SGIP1: variants seen among roughly 807,000 people sequenced by gnomAD.
SGIP1 encodes the protein SH3-containing GRB2-like protein 3-interacting protein 1.
A neutral mutation model predicts 107.5 loss-of-function variants in SGIP1; 38 were observed. The observed-to-expected ratio is 0.35, with a 90% confidence interval of 0.27 to 0.46. The LOEUF is 0.46. Ranked by LOEUF, SGIP1 falls within the 20% of genes least tolerant of loss-of-function variation. The probability of loss-of-function intolerance (pLI) is 1.00; values close to 1 mark genes in which losing one functional copy is unlikely to be tolerated. For missense variants in SGIP1, 929 were observed against 1,019.5 expected (o/e 0.91, Z 1.21); for synonymous variants, 365 against 366.1 (o/e 1.00, Z 0.03).
chr1:66,537,139 T>C (rs989174433), intron 1 of SGIP1, among the ~76,000 whole-genome samples: 3 of 152,146 alleles, frequency 2.0e-5, no homozygotes, highest in Admixed American at 2.0e-4. Context: ...AGGTGATTAG[T>C]GGTTTGTGGC....
chr1:66,621,449 C>T (rs1225991853), intron 1 of SGIP1, among the ~76,000 whole-genome samples: 2 of 152,140 alleles, frequency 1.3e-5, no homozygotes, highest in African/African-American at 2.4e-5. Flanking sequence ...GTAAAATACA[C>T]ACAAAATAAA....
chr1:66,545,959 T>C (rs371813284), intron 1 of SGIP1, among the ~76,000 whole-genome samples: 102 of 152,318 alleles, frequency 6.7e-4, no homozygotes, highest in African/African-American at 2.4e-3. Context: ...ATTCCCAATG[T>C]GTGCATGTGT....
chr1:66,682,911 A>C (rs1174192692), intron 15 of SGIP1, among the ~76,000 whole-genome samples: 1 of 151,938 alleles, frequency 6.6e-6, no homozygotes, highest in Non-Finnish European at 1.5e-5. Context: ...AGGTTTGAAA[A>C]GGAGATTTTA....
At chr1:66,554,465 T>C (rs905363011) in intron 1 of SGIP1, among the ~76,000 whole-genome samples, 3 of 152,064 alleles carry the variant, frequency 2.0e-5, no homozygotes, top group African/African-American at 7.2e-5. Context: ...TCCTAGAAAA[T>C]CTGAAATCCA....
intron 18 of SGIP1, among the ~76,000 whole-genome samples, chr1:66,715,307 G>A (rs2093172222): frequency 6.6e-6 from 1 of 152,102 alleles, no homozygotes; most frequent in Non-Finnish European, 1.5e-5. Context: ...CAATGTATAG[G>A]GATGTGAAGA....
intron 1 of SGIP1, among the ~76,000 whole-genome samples, chr1:66,577,246 C>A (rs2148683732): frequency 6.6e-6 from 1 of 152,194 alleles, no homozygotes; most frequent in East Asian, 1.9e-4. Context: ...TGTTCTGGAC[C>A]TCCTTTCCCA....
At chr1:66,730,603 G>A (rs9988483) in intron 20 of SGIP1, among the ~76,000 whole-genome samples, 27,612 of 152,024 alleles carry the variant, frequency 0.18, 2,995 homozygotes, top group Non-Finnish European at 0.24. Flanking sequence ...TCAACAGCCA[G>A]GTGGTCTTTT....
intron 1 of SGIP1, among the ~76,000 whole-genome samples, chr1:66,580,670 T>C (rs2061688970): frequency 6.6e-6 from 1 of 152,184 alleles, no homozygotes; most frequent in Admixed American, 6.6e-5. Context: ...TAGATATTTC[T>C]TTATATATTT....
intron 1 of SGIP1, among the ~76,000 whole-genome samples, chr1:66,568,621 A>T (rs1191017619): frequency 6.6e-6 from 1 of 151,944 alleles, no homozygotes; most frequent in Non-Finnish European, 1.5e-5. Context: ...GTATGATATC[A>T]GCTATTGGTT....
chr1:66,708,069 G>A (rs1225149624), intron 18 of SGIP1, among the ~76,000 whole-genome samples: 1 of 152,052 alleles, frequency 6.6e-6, no homozygotes, highest in Non-Finnish European at 1.5e-5. Context: ...TAGGATGTAG[G>A]GGCAAACATC....
At chr1:66,593,714 G>T (rs1281559306) in intron 1 of SGIP1, among the ~76,000 whole-genome samples, 1 of 152,270 alleles carries the variant, frequency 6.6e-6, no homozygotes, top group African/African-American at 2.4e-5. Flanking sequence ...GGAGGCTTCA[G>T]TGAGCCATGA....
At chr1:66,549,239 T>C (rs1046484132) in intron 1 of SGIP1, among the ~76,000 whole-genome samples, 1 of 152,046 alleles carries the variant, frequency 6.6e-6, no homozygotes, top group Admixed American at 6.6e-5. Context: ...TTCTTTTTTC[T>C]TCTTTTTTCC....
At chr1:66,546,206 C>T (rs1241348267) in intron 1 of SGIP1, among the ~76,000 whole-genome samples, 9 of 152,176 alleles carry the variant, frequency 5.9e-5, no homozygotes, top group Admixed American at 5.9e-4. Flanking sequence ...ATCATGCTTC[C>T]TCTGCTCTTC....
chr1:66,717,151 T>C (rs990884006), intron 18 of SGIP1, among the ~76,000 whole-genome samples: 3 of 152,166 alleles, frequency 2.0e-5, no homozygotes, highest in Non-Finnish European at 4.4e-5. Context: ...TGAATGTAGA[T>C]TTATCTATCC....
intron 9 of SGIP1, among the ~76,000 whole-genome samples, chr1:66,669,166 C>T (rs2083228127): frequency 6.6e-6 from 1 of 152,172 alleles, no homozygotes; most frequent in Non-Finnish European, 1.5e-5. Flanking sequence ...GTTTTGGTTG[C>T]ACTTAACTTG....
intron 1 of SGIP1, among the ~76,000 whole-genome samples, chr1:66,538,846 T>C (rs930067516): frequency 6.6e-6 from 1 of 152,192 alleles, no homozygotes; most frequent in Non-Finnish European, 1.5e-5. Flanking sequence ...ATTTTGGATG[T>C]TGCTGTTTGA....
intron 1 of SGIP1, among the ~76,000 whole-genome samples, chr1:66,578,144 T>A (rs893391385): frequency 7.2e-5 from 11 of 152,296 alleles, no homozygotes; most frequent in African/African-American, 2.4e-4. Flanking sequence ...GGGTAGAAAA[T>A]ATCCAATGTC....
chr1:66,700,911 AG>A (rs1284364038), intron 18 of SGIP1, among the ~76,000 whole-genome samples: 1 of 151,850 alleles, frequency 6.6e-6, no homozygotes, highest in Admixed American at 6.6e-5. Context: ...TATCCAGATG[AG>A]ACCCCAGAGA....
intron 15 of SGIP1, among the ~76,000 whole-genome samples, chr1:66,685,475 G>A (rs1210584511): frequency 1.3e-5 from 2 of 152,210 alleles, no homozygotes; most frequent in African/African-American, 2.4e-5. Flanking sequence ...AGAGGCTGGA[G>A]GCAAAGAGTT....
Sources: gnomAD v4.1 joint callset for allele counts (sites outside exome capture counted in the v4.1 genomes callset) on GRCh38, gnomAD v4.1.1 for gene constraint, MANE v1.5 for transcripts, NCBI Gene and HGNC (gene_info 2026-07-23, HGNC 2026-07-21) for gene names.